SGMS1: variants seen among roughly 807,000 people sequenced by gnomAD.
The protein encoded by SGMS1 is sphingomyelin synthase 1, also known as phosphatidylcholine:ceramide cholinephosphotransferase 1.
SGMS1 carries 13 observed loss-of-function variants against 46.2 expected under a neutral mutation model. The ratio of observed to expected loss-of-function variants is 0.28; its 90% CI spans 0.18 to 0.45. The LOEUF is 0.45. Among genes scored for constraint, SGMS1 ranks in the 20% least tolerant of loss-of-function variants. The probability of loss-of-function intolerance (pLI) is 1.00; values close to 1 mark genes in which losing one functional copy is unlikely to be tolerated. For synonymous variants in SGMS1, 203 were observed against 187.8 expected (o/e 1.08, Z -0.66); for missense variants, 324 against 519.9 (o/e 0.62, Z 3.66).
rs537543398 is a variant in SGMS1 at position 50,526,862 on chromosome 10, C to A, written c.-588-6941G>T. Among the ~76,000 whole-genome samples the A allele has an allele frequency of 3.3e-5, 5 of 151,922 alleles. No homozygotes were observed. In the South Asian group the frequency reaches 1.0e-3, roughly 32 times the overall value. ...CAGGTGGATCACGAGGTCAAGAGAT[C>A]GAGACCATCCTGGCCAACATGGTGA... On this transcript the variant is annotated intron_variant, in intron 2 of 10. Coordinates refer to ENST00000361781, the MANE Select transcript of SGMS1 (RefSeq NM_147156.4).
At chr10:50,357,733 T>G (rs1416575362) in intron 6 of SGMS1, among the ~76,000 whole-genome samples, 1 of 152,232 alleles carries the variant, frequency 6.6e-6, no homozygotes, top group Non-Finnish European at 1.5e-5. Context: ...AATTTATTCT[T>G]TCCTTGACGA....
At chr10:50,490,325 A>C (rs919800031) in intron 3 of SGMS1, among the ~76,000 whole-genome samples, 2 of 152,218 alleles carry the variant, frequency 1.3e-5, no homozygotes, top group African/African-American at 4.8e-5. Flanking sequence ...ATATAGTATA[A>C]GGGTAAAAGA....
chr10:50,575,524 C>A (rs555428638), intron 2 of SGMS1, among the ~76,000 whole-genome samples: 1 of 152,070 alleles, frequency 6.6e-6, no homozygotes, highest in Non-Finnish European at 1.5e-5. Flanking sequence ...CCAACCTGGG[C>A]GACAGTGAGA....
chr10:50,434,647 C>T (rs555663640), intron 5 of SGMS1, among the ~76,000 whole-genome samples: 15 of 150,512 alleles, frequency 1.0e-4, no homozygotes, highest in South Asian at 4.2e-4. Flanking sequence ...GTGGCTGAGA[C>T]GGGCAGATCA....
intron 2 of SGMS1, among the ~76,000 whole-genome samples, chr10:50,528,669 T>G (rs1345269431): frequency 6.6e-6 from 1 of 152,072 alleles, no homozygotes; most frequent in African/African-American, 2.4e-5. Flanking sequence ...GAAGCCAAGG[T>G]GAAAGGATCG....
At chr10:50,433,031 CAAAG>C (rs1183275707) in intron 6 of SGMS1, among the ~76,000 whole-genome samples, 1 of 152,090 alleles carries the variant, frequency 6.6e-6, no homozygotes, top group South Asian at 2.1e-4. Flanking sequence ...AAGATGTAGA[CAAAG>C]AACTCAATTT....
intron 6 of SGMS1, among the ~76,000 whole-genome samples, chr10:50,399,229 T>C (rs1479848509): frequency 1.3e-5 from 2 of 152,190 alleles, no homozygotes; most frequent in African/African-American, 4.8e-5. Flanking sequence ...GGGAGGTAAC[T>C]AAGGAAGGAT....
chr10:50,596,542 C>T (rs1838596190), intron 1 of SGMS1, among the ~76,000 whole-genome samples: 1 of 152,324 alleles, frequency 6.6e-6, no homozygotes, highest in South Asian at 2.1e-4. Flanking sequence ...AATAACCTTG[C>T]TAACTAGATC....
intron 1 of SGMS1, among the ~76,000 whole-genome samples, chr10:50,609,281 T>A (rs930502100): frequency 6.6e-6 from 1 of 152,328 alleles, no homozygotes; most frequent in East Asian, 1.9e-4. Flanking sequence ...GTATTTTTTT[T>A]ATTGCATTGT....
chr10:50,473,996 G>C (rs1294926324), intron 3 of SGMS1: 6 of 152,240 alleles, frequency 3.9e-5, no homozygotes, highest in Admixed American at 3.3e-4. Flanking sequence ...TTGCCAGTTA[G>C]ATGTCATGGT....
intron 7 of SGMS1, chr10:50,334,563 CAG>C (rs1373378872): frequency 2.0e-5 from 3 of 152,096 alleles, no homozygotes; most frequent in African/African-American, 4.8e-5. Context: ...GTTTTTTTAA[CAG>C]GGGGTTTCTG....
chr10:50,400,279 C>CT (rs1460475820), intron 6 of SGMS1, among the ~76,000 whole-genome samples: 1 of 151,496 alleles, frequency 6.6e-6, no homozygotes, highest in Admixed American at 6.6e-5. Flanking sequence ...ATAAATTACT[C>CT]ACCCACTCTG....
chr10:50,443,701 G>A (rs1394706644), intron 5 of SGMS1, among the ~76,000 whole-genome samples: 1 of 152,018 alleles, frequency 6.6e-6, no homozygotes, highest in Non-Finnish European at 1.5e-5. Flanking sequence ...AGAAAGGAAT[G>A]AGGAACCTTG....
Position 50,620,418 on chromosome 10 carries a change from G to A in SGMS1, c.-684+3289C>T, listed in dbSNP as rs542850749. 7.2e-5 allele frequency among the ~76,000 whole-genome samples: 11 copies of A among 152,314 alleles called. No individual in the cohort carries two copies. In the East Asian group the frequency reaches 2.1e-3, roughly 29 times the overall value. ...TGGCTATAGCTACCATCCAAAAAAG[G>A]CATAGCCATCTATAACATGTTATGC... On this transcript the variant is annotated intron_variant, in intron 1 of 10. Coordinates refer to ENST00000361781, the MANE Select transcript of SGMS1 (RefSeq NM_147156.4).
chr10:50,332,301 C>T (rs556690113), intron 7 of SGMS1, among the ~76,000 whole-genome samples: 1 of 152,254 alleles, frequency 6.6e-6, no homozygotes, highest in East Asian at 1.9e-4. Context: ...TGCCTGGATT[C>T]TGCCTTCTCC....
At chr10:50,606,893 C>T (rs1311887242) in intron 1 of SGMS1, among the ~76,000 whole-genome samples, 2 of 152,112 alleles carry the variant, frequency 1.3e-5, no homozygotes, top group South Asian at 4.1e-4. Context: ...CTATATGACA[C>T]TCAAGATTTT....
intron 5 of SGMS1, among the ~76,000 whole-genome samples, chr10:50,437,145 ATCC>A (rs1303920653): frequency 6.6e-6 from 1 of 152,240 alleles, no homozygotes; most frequent in Non-Finnish European, 1.5e-5. Context: ...AATGTACACT[ATCC>A]TCATACTTTG....
chr10:50,519,536 A>G (rs1588862203), intron 3 of SGMS1, among the ~76,000 whole-genome samples: 1 of 152,002 alleles, frequency 6.6e-6, no homozygotes, highest in Non-Finnish European at 1.5e-5. Flanking sequence ...ATTTCCAGAG[A>G]CTCAGGCTGA....
intron 3 of SGMS1, among the ~76,000 whole-genome samples, chr10:50,478,506 A>C (rs1837448245): frequency 6.6e-6 from 1 of 152,192 alleles, no homozygotes; most frequent in South Asian, 2.1e-4. Context: ...GTAGACATTA[A>C]CAAAAAAAAT....
Sources: allele counts gnomAD v4.1 joint callset (sites outside exome capture counted in the v4.1 genomes callset), GRCh38; gene constraint gnomAD v4.1.1; transcripts MANE v1.5; gene names NCBI Gene and HGNC (gene_info 2026-07-23, HGNC 2026-07-21).